VIPR2: variants seen among roughly 807,000 people sequenced by gnomAD.
VIPR2 encodes vasoactive intestinal peptide receptor 2, also known as vasoactive intestinal polypeptide receptor 2.
A neutral mutation model predicts 58.0 loss-of-function variants in VIPR2; 48 were observed. The ratio of observed to expected loss-of-function variants is 0.83; its 90% CI spans 0.66 to 1.05. The LOEUF (loss-of-function observed/expected upper bound fraction) is 1.05. Ranked by LOEUF, VIPR2 falls within the 50% of genes least tolerant of loss-of-function variation. VIPR2 has a pLI of 0.00. For missense variants in VIPR2, 534 were observed against 558.0 expected (o/e 0.96, Z 0.43); for synonymous variants, 243 against 235.2 (o/e 1.03, Z -0.30).
intron 4 of VIPR2, among the ~76,000 whole-genome samples, chr7:159,088,388 C>T (rs1857299426): frequency 6.6e-6 from 1 of 152,132 alleles, no homozygotes; most frequent in South Asian, 2.1e-4. Context: ...GTACACCACA[C>T]ACAAGCTGCA....
chr7:159,030,854 G>A (rs1853518990), intron 12 of VIPR2, 65 bp from the exon 13 acceptor site: 2 of 1,411,118 alleles, frequency 1.4e-6, no homozygotes, highest in South Asian at 1.5e-5. Flanking sequence ...GCTATGGGAA[G>A]CGCGGCCCGC....
chr7:159,032,024 C>T lies in VIPR2; in HGVS notation c.1015G>A (p.Val339Ile), dbSNP rs375044634. The T allele has an allele frequency of 5.6e-6, 9 of 1,614,136 alleles. No individual in the cohort carries two copies. Among genetic ancestry groups the T allele is most frequent in the Non-Finnish European group, 7.6e-6 (9 of 1,180,050 alleles). The change falls in exon 11 of 13, where the codon GTC becomes ATC. Residue 339 changes from valine (V) to isoleucine (I), a missense_variant. This residue lies in a region of VIPR2 where 306 missense variants were observed against 285.8 expected (regional missense o/e 1.07). Transcript: ENST00000262178. ...STLLLIPLFG[V>I]HYMVFAVFPI... ...AACACGGCAAACACCATGTAGTGGA[C>T]GCCGAACAGCGGGATAAGCAGGAGC...
intron 4 of VIPR2, among the ~76,000 whole-genome samples, chr7:159,079,772 T>C (rs1856813642): frequency 6.6e-6 from 1 of 152,088 alleles, no homozygotes; most frequent in African/African-American, 2.4e-5. Flanking sequence ...CAATAAAAAA[T>C]GACAAAGGGG....
At chr7:159,070,884 G>A (rs139949230) in intron 4 of VIPR2, among the ~76,000 whole-genome samples, 101 of 152,246 alleles carry the variant, frequency 6.6e-4, no homozygotes, top group African/African-American at 2.1e-3. Flanking sequence ...CAGACTGTGC[G>A]GTGAGTGCTG....
chr7:159,114,091 AATGTTTAC>A (rs1347437385), intron 2 of VIPR2, among the ~76,000 whole-genome samples: 2 of 152,156 alleles, frequency 1.3e-5, no homozygotes, highest in Admixed American at 6.5e-5. Flanking sequence ...CCCATTTTTA[AATGTTTAC>A]ATTTTTAAGG....
At chr7:159,135,786 G>C (rs1394797064) in intron 2 of VIPR2, among the ~76,000 whole-genome samples, 1 of 152,176 alleles carries the variant, frequency 6.6e-6, no homozygotes, top group Non-Finnish European at 1.5e-5. Context: ...TCATGCTATT[G>C]CACTCCAGCC....
chr7:159,140,273 A>T (rs7799293), intron 2 of VIPR2, among the ~76,000 whole-genome samples: 5,986 of 152,294 alleles, frequency 0.039, 106 homozygotes, highest in South Asian at 0.046. Context: ...ACCTGGCGTC[A>T]GGTGCAAATG....
intron 4 of VIPR2, among the ~76,000 whole-genome samples, chr7:159,102,513 G>A (rs892444542): frequency 1.3e-5 from 2 of 152,198 alleles, no homozygotes; most frequent in Admixed American, 1.3e-4. Flanking sequence ...TCCAATCGTT[G>A]GGATATTGGT....
intron 9 of VIPR2, 136 bp from the exon 10 acceptor site, chr7:159,034,440 A>C: frequency 7.9e-7 from 1 of 1,260,226 alleles, no homozygotes; most frequent in South Asian, 1.3e-5. Context: ...GGGGGTCCAC[A>C]TGCCTGAAGA....
chr7:159,144,369 G>A, intron 1 of VIPR2: 2 of 1,542,646 alleles, frequency 1.3e-6, no homozygotes, highest in South Asian at 1.2e-5. Context: ...GAAACGCGCA[G>A]CCCGCGCAGG....
At chr7:159,056,864 G>A (rs903826596) in intron 5 of VIPR2, among the ~76,000 whole-genome samples, 4 of 152,180 alleles carry the variant, frequency 2.6e-5, no homozygotes, top group African/African-American at 9.7e-5. Context: ...CGTGGGATGA[G>A]CCCCAAGCCT....
Position 159,030,784 on chromosome 7 carries a change from C to G in VIPR2, c.1149G>C (p.Gln383His), listed in dbSNP as rs1414908868. ...TTCGCCATTTTCGCTTCAGCTCGCACTGCACCTGGGAGGTGAGGGCAGCGG... is the reference window on the plus strand; with the variant it reads ...TTCGCCATTTTCGCTTCAGCTCGCAGTGCACCTGGGAGGTGAGGGCAGCGG... ...VLYCFLNSEV[Q>H]CELKRKWRSR... The change falls in exon 13 of 13, where the codon CAG becomes CAC. Residue 383 changes from glutamine (Q) to histidine (H), a missense_variant. Physicochemically the swap from Gln to His is conservative, Grantham distance 24. Around this residue, in one of 3 missense-constraint regions of VIPR2, gnomAD observed 306 missense variants for 285.8 expected, o/e 1.07. Transcript: ENST00000262178. 1.3e-6 allele frequency: 2 copies of G among 1,590,926 alleles called. No homozygotes were observed. Among genetic ancestry groups the G allele is most frequent in the African/African-American group, 2.7e-5 (2 of 73,956 alleles).
At position 159,043,030 on chromosome 7, in the gene VIPR2, C is replaced by T. The variant is rs754076462; in HGVS notation, c.597+5G>A. 1 of 1,613,598 alleles carries T rather than the reference C, an allele frequency of 6.2e-7. No individual in the cohort carries two copies. Among genetic ancestry groups the T allele is most frequent in the Non-Finnish European group, 8.5e-7 (1 of 1,179,680 alleles). On this transcript the variant is annotated splice_donor_5th_base_variant and intron_variant, in intron 6 of 12. Transcript: ENST00000262178. ...AGTGGGACCCTGTGGTGGGGACAGC[C>T]TTACCCAGGAGGATGGCTGGTCAGG...
intron 4 of VIPR2, among the ~76,000 whole-genome samples, chr7:159,065,925 C>T (rs1360515110): frequency 1.3e-5 from 2 of 152,210 alleles, no homozygotes; most frequent in African/African-American, 4.8e-5. Flanking sequence ...TTTGACCTCC[C>T]CTGAGACAGA....
chr7:159,141,317 C>T (rs957541308), intron 2 of VIPR2, among the ~76,000 whole-genome samples: 6 of 152,372 alleles, frequency 3.9e-5, no homozygotes, highest in East Asian at 3.9e-4. Flanking sequence ...GCGTGCACCG[C>T]GGAATCGCAG....
intron 2 of VIPR2, among the ~76,000 whole-genome samples, chr7:159,131,637 G>A (rs1435406138): frequency 1.3e-5 from 2 of 152,168 alleles, no homozygotes; most frequent in African/African-American, 2.4e-5. Flanking sequence ...GATAGTCACA[G>A]GTGTGTCTGT....
intron 3 of VIPR2, among the ~76,000 whole-genome samples, chr7:159,107,478 G>A (rs1795799190): frequency 6.6e-6 from 1 of 152,214 alleles, no homozygotes; most frequent in Non-Finnish European, 1.5e-5. Context: ...ATTGCCTCCT[G>A]GAGGGGATGG....
In VIPR2 at chr7:159,072,883, G is replaced by C. The variant is rs80187081; in HGVS notation, c.358-14305C>G. Among the ~76,000 whole-genome samples the C allele has an allele frequency of 2.5e-4, 38 of 152,304 alleles. No individual in the cohort carries two copies. In the South Asian group the frequency reaches 4.2e-3, roughly 17 times the overall value. ...TGATGCACAGCTCTGTGCTAACAAA[G>C]TCAAAACTTCAACGAAATGGTAACA... On this transcript the variant is annotated intron_variant, in intron 4 of 12. Coordinates refer to ENST00000262178, the MANE Select transcript of VIPR2 (RefSeq NM_003382.5).
At chr7:159,064,373 G>A (rs1855962670) in intron 4 of VIPR2, among the ~76,000 whole-genome samples, 1 of 152,156 alleles carries the variant, frequency 6.6e-6, no homozygotes, top group Non-Finnish European at 1.5e-5. Context: ...TCCGGGACGG[G>A]ACCGTGGCGG....
Sources: gnomAD v4.1 joint callset for allele counts (sites outside exome capture counted in the v4.1 genomes callset) on GRCh38, gnomAD v4.1.1 for gene constraint, gnomAD v4.1.1 regional missense constraint, MANE v1.5 for transcripts, NCBI Gene and HGNC (gene_info 2026-07-23, HGNC 2026-07-21) for gene names.